INTS15: variants seen among roughly 807,000 people sequenced by gnomAD.
INTS15 encodes the protein integrator complex subunit 15, also known as uncharacterized protein C7orf26.
At chr7:6,590,377 C>G in the INTS15 span, 3 of 1,607,410 alleles carry the variant, frequency 1.9e-6, no homozygotes, top group Non-Finnish European at 2.5e-6. Flanking sequence ...CAGCAGCCAG[C>G]TGCAGAGCGC....
At chr7:6,590,579 G>C in the INTS15 span, 1 of 1,394,108 alleles carries the variant, frequency 7.2e-7, no homozygotes. Flanking sequence ...CCATGTCCAG[G>C]ATCCCCGCGC....
the INTS15 span, chr7:6,590,074 C>G: frequency 3.2e-6 from 1 of 314,464 alleles, no homozygotes; most frequent in African/African-American, 2.2e-5. Flanking sequence ...CCTGGCGGCG[C>G]CGCAGTCGGA....
chr7:6,591,454 T>TG, the INTS15 span, among the ~76,000 whole-genome samples: 1 of 151,686 alleles, frequency 6.6e-6, no homozygotes. Context: ...TTAGTAGAGA[T>TG]GGGGTTTCAC....
the INTS15 span, among the ~76,000 whole-genome samples, chr7:6,602,474 C>T: frequency 6.6e-6 from 1 of 152,174 alleles, no homozygotes; most frequent in African/African-American, 2.4e-5. Context: ...TCTCGCAGAG[C>T]CACAGCCCTA....
At chr7:6,601,197 T>C in the INTS15 span, among the ~76,000 whole-genome samples, 9 of 152,154 alleles carry the variant, frequency 5.9e-5, no homozygotes, top group Admixed American at 5.9e-4. Flanking sequence ...TTTCAAACTC[T>C]TGGGCTCAAG....
chr7:6,590,630 C>T, the INTS15 span, among the ~76,000 whole-genome samples: 2 of 152,198 alleles, frequency 1.3e-5, no homozygotes, highest in African/African-American at 4.8e-5. Context: ...CCAAACCCTT[C>T]TCCGGGTCCT....
At chr7:6,592,907 G>A in the INTS15 span, among the ~76,000 whole-genome samples, 1 of 152,120 alleles carries the variant, frequency 6.6e-6, no homozygotes, top group Non-Finnish European at 1.5e-5. Context: ...ACTGCGCCCA[G>A]CTTAAGAATA....
the INTS15 span, chr7:6,608,142 C>G: frequency 2.7e-5 from 42 of 1,554,960 alleles, no homozygotes; most frequent in Non-Finnish European, 3.5e-5. Flanking sequence ...GTGACCTTTC[C>G]CTTCAGGCCC....
the INTS15 span, chr7:6,607,550 G>A: frequency 7.5e-7 from 1 of 1,324,790 alleles, no homozygotes; most frequent in Non-Finnish European, 1.0e-6. This position sits in a 1 kb window ranked among gnomAD's most constrained non-coding sequence, Gnocchi z 6.0. Context: ...TCTGAATTTC[G>A]GGGTCGTTTG....
the INTS15 span, chr7:6,602,201 G>A: frequency 5.7e-3 from 8,135 of 1,431,730 alleles, 43 homozygotes; most frequent in Non-Finnish European, 6.0e-3. Flanking sequence ...AGGGAGGCAA[G>A]ACAGGGCGAG....
chr7:6,593,232 C>G, the INTS15 span, among the ~76,000 whole-genome samples: 1 of 152,020 alleles, frequency 6.6e-6, no homozygotes, highest in Non-Finnish European at 1.5e-5. Flanking sequence ...AGTGCAAGAA[C>G]AGCTTTAGGC....
the INTS15 span, among the ~76,000 whole-genome samples, chr7:6,595,068 G>T: frequency 1.3e-5 from 2 of 152,014 alleles, no homozygotes; most frequent in South Asian, 4.1e-4. Flanking sequence ...GTTTCACTCT[G>T]TCACCCTGGC....
chr7:6,604,546 C>A, the INTS15 span, among the ~76,000 whole-genome samples: 5 of 152,126 alleles, frequency 3.3e-5, no homozygotes, highest in Non-Finnish European at 7.4e-5. Flanking sequence ...AAGCAGGCTT[C>A]CAGGGCAGGT....
chr7:6,608,711 T>A, the INTS15 span: 6 of 173,780 alleles, frequency 3.5e-5, no homozygotes, highest in African/African-American at 1.4e-4. Context: ...TTCAAATAAA[T>A]TTTTCTAAAC....
the INTS15 span, among the ~76,000 whole-genome samples, chr7:6,598,742 T>TGTGTGC: frequency 1.1e-5 from 1 of 90,706 alleles, no homozygotes; most frequent in African/African-American, 7.0e-5. Context: ...GCTTTGTGTG[T>TGTGTGC]GTGTGTGTGT....
the INTS15 span, among the ~76,000 whole-genome samples, chr7:6,592,336 G>T: frequency 5.3e-5 from 8 of 151,972 alleles, no homozygotes; most frequent in Middle Eastern, 3.2e-3. Flanking sequence ...GAGGCCGAAG[G>T]GGGGCAGATC....
chr7:6,607,710 G>C, the INTS15 span: 2 of 1,519,478 alleles, frequency 1.3e-6, no homozygotes. This position sits in a 1 kb window ranked among gnomAD's most constrained non-coding sequence, Gnocchi z 6.0. Flanking sequence ...TGGGCTGCGC[G>C]CCCGGGAGTG....
chr7:6,591,044 A>T, the INTS15 span, among the ~76,000 whole-genome samples: 1 of 151,018 alleles, frequency 6.6e-6, no homozygotes, highest in Admixed American at 6.6e-5. Context: ...TCCCTGTGTT[A>T]CCCAGGCTGG....
At chr7:6,604,692 A>T in the INTS15 span, among the ~76,000 whole-genome samples, 1 of 152,182 alleles carries the variant, frequency 6.6e-6, no homozygotes, top group Admixed American at 6.5e-5. Context: ...TGAGACAGAA[A>T]CATGCATAAC....
Sources: gnomAD v4.1 joint callset for allele counts (sites outside exome capture counted in the v4.1 genomes callset) on GRCh38, gnomAD v4.1.1 for gene constraint, Gnocchi (gnomAD v3.1) non-coding constraint, MANE v1.5 for transcripts, NCBI Gene and HGNC (gene_info 2026-07-23, HGNC 2026-07-21) for gene names.